The following TIAM1 variants were observed in gnomAD, a reference collection of about 807,000 sequenced individuals.
TIAM1 encodes the protein TIAM Rac1 associated GEF 1.
In TIAM1, 65 loss-of-function variants were observed where a neutral mutation model predicts 163.5. That is an observed-to-expected ratio of 0.40 (90% CI 0.33 to 0.49). The LOEUF is 0.49. Ranked by LOEUF, TIAM1 falls within the 20% of genes least tolerant of loss-of-function variation. TIAM1 has a pLI of 0.77. For missense variants in TIAM1, 1,789 were observed against 2,044.7 expected, an observed-to-expected ratio of 0.87 and a Z score of 2.41; for synonymous variants, 833 against 810.1, an observed-to-expected ratio of 1.03 and a Z score of -0.48.
chr21:31,153,197 AAAG>A, intron 17 of TIAM1, 63 bp from the exon 18 acceptor site: 1 of 1,337,266 alleles, frequency 7.5e-7, no homozygotes, highest in Non-Finnish European at 1.1e-6. Context: ...CCTAGAACTT[AAAG>A]TATAAAGCAT....
At chr21:31,283,537 T>TTTTATTTATTTATTTA (rs369790254) in intron 2 of TIAM1, among the ~76,000 whole-genome samples, 102 of 151,268 alleles carry the variant, frequency 6.7e-4, no homozygotes, top group African/African-American at 2.4e-3. Context: ...TCTTTCCCTT[T>TTTTATTTATTTATTTA]TTTATTTATT....
chr21:31,361,154 A>G (rs974958136), intron 2 of TIAM1, among the ~76,000 whole-genome samples: 1 of 152,238 alleles, frequency 6.6e-6, no homozygotes, highest in African/African-American at 2.4e-5. Context: ...ATGAAGTTAT[A>G]GCCTATTTAT....
chr21:31,482,635 CAG>C (rs560714764), intron 1 of TIAM1, among the ~76,000 whole-genome samples: 75 of 152,074 alleles, frequency 4.9e-4, no homozygotes, highest in Non-Finnish European at 1.0e-3. Context: ...GGAGAGAGCG[CAG>C]AGTGGGAGCC....
chr21:31,432,625 G>A (rs1054310017), intron 2 of TIAM1, among the ~76,000 whole-genome samples: 13 of 152,182 alleles, frequency 8.5e-5, no homozygotes, highest in African/African-American at 2.7e-4. Context: ...GGAAAGATGC[G>A]GCAACATGCA....
At chr21:31,143,091 G>A (rs577611908) in intron 20 of TIAM1, among the ~76,000 whole-genome samples, 6 of 152,198 alleles carry the variant, frequency 3.9e-5, no homozygotes, top group South Asian at 2.1e-4. Flanking sequence ...CACGTCCAGC[G>A]TGGGCACTCT....
chr21:31,416,463 C>A, intron 2 of TIAM1, among the ~76,000 whole-genome samples: 1 of 152,240 alleles, frequency 6.6e-6, no homozygotes, highest in Middle Eastern at 3.4e-3. Context: ...TCTTTTATCC[C>A]TTACCCCCTT....
chr21:31,528,664 G>T (rs2047865249), intron 1 of TIAM1, among the ~76,000 whole-genome samples: 3 of 151,078 alleles, frequency 2.0e-5, no homozygotes, highest in Admixed American at 2.0e-4. Context: ...AATTAGCCAG[G>T]CATGGTGTGG....
chr21:31,240,447 T>C (rs1045961815), intron 6 of TIAM1, among the ~76,000 whole-genome samples: 7 of 152,186 alleles, frequency 4.6e-5, no homozygotes, highest in African/African-American at 1.7e-4. Flanking sequence ...TCCTCATCTA[T>C]ACAATCACAT....
chr21:31,148,152 G>A (rs1176952905), intron 19 of TIAM1, among the ~76,000 whole-genome samples: 3 of 151,846 alleles, frequency 2.0e-5, no homozygotes, highest in Admixed American at 6.6e-5. Flanking sequence ...GAGGGTGTCA[G>A]CAGGAGTACC....
intron 6 of TIAM1, among the ~76,000 whole-genome samples, chr21:31,238,034 CAT>C (rs1297714618): frequency 6.6e-6 from 1 of 152,238 alleles, no homozygotes; most frequent in East Asian, 1.9e-4. Flanking sequence ...TGGCCTCACA[CAT>C]ATAAATTCCT....
At chr21:31,122,532 G>A (rs1318215258) in intron 27 of TIAM1, among the ~76,000 whole-genome samples, 1 of 152,192 alleles carries the variant, frequency 6.6e-6, no homozygotes, top group Non-Finnish European at 1.5e-5. Context: ...ACAGATGAGT[G>A]ATAATGAGAA....
At chr21:31,479,788 T>C (rs2147392635) in intron 1 of TIAM1, among the ~76,000 whole-genome samples, 1 of 152,114 alleles carries the variant, frequency 6.6e-6, no homozygotes, top group South Asian at 2.1e-4. Flanking sequence ...TTCCCCCATA[T>C]CTCCACATTG....
chr21:31,245,379 A>AG (rs1346673646), intron 6 of TIAM1, 109 bp downstream of exon 6: 1 of 747,806 alleles, frequency 1.3e-6, no homozygotes, highest in African/African-American at 1.8e-5. Context: ...CACTAAAAAA[A>AG]AAAAAAAAAA....
chr21:31,275,904 T>C (rs573233792), intron 3 of TIAM1, among the ~76,000 whole-genome samples: 25 of 152,306 alleles, frequency 1.6e-4, no homozygotes, highest in African/African-American at 5.1e-4. Context: ...ATTAATAATA[T>C]AAATTTTCAC....
At chr21:31,401,165 C>T (rs1002419083) in intron 2 of TIAM1, among the ~76,000 whole-genome samples, 16 of 152,172 alleles carry the variant, frequency 1.1e-4, no homozygotes. Flanking sequence ...TAAACAAGTG[C>T]ATATGAAAAG....
At chr21:31,520,570 T>C (rs1388507590) in intron 1 of TIAM1, among the ~76,000 whole-genome samples, 3 of 152,176 alleles carry the variant, frequency 2.0e-5, no homozygotes, top group African/African-American at 4.8e-5. Context: ...GGCCAACTCA[T>C]TGAGGACCCA....
intron 1 of TIAM1, among the ~76,000 whole-genome samples, chr21:31,518,744 C>T (rs367884915): frequency 2.0e-5 from 3 of 152,162 alleles, no homozygotes; most frequent in African/African-American, 7.2e-5. Flanking sequence ...TGGCAGCTCA[C>T]ATCATGGAGA....
intron 1 of TIAM1, among the ~76,000 whole-genome samples, chr21:31,500,473 G>C (rs2046814207): frequency 6.6e-6 from 1 of 152,100 alleles, no homozygotes. Flanking sequence ...TCCTCTGTTA[G>C]GGGTTTAACC....
At chr21:31,267,131 C>T in intron 3 of TIAM1, 148 bp from the exon 4 acceptor site, 1 of 1,131,424 alleles carries the variant, frequency 8.8e-7, no homozygotes, top group Non-Finnish European at 1.2e-6. Context: ...TTCCTATATG[C>T]ACCTGGTAGG....
Sources: allele counts gnomAD v4.1 joint callset (sites outside exome capture counted in the v4.1 genomes callset), GRCh38; gene constraint gnomAD v4.1.1; transcripts MANE v1.5; gene names NCBI Gene and HGNC (gene_info 2026-07-23, HGNC 2026-07-21).